Variants in ENOX1 observed in about 807,000 individuals in gnomAD.
The protein encoded by ENOX1 is candidate growth-related and time keeping constitutive hydroquinone (NADH) oxidase.
A neutral mutation model predicts 82.5 loss-of-function variants in ENOX1; 42 were observed. That is an observed-to-expected ratio of 0.51 (90% confidence interval 0.40 to 0.66). ENOX1 has a LOEUF of 0.66. Ranked by LOEUF, ENOX1 falls within the 30% of genes least tolerant of loss-of-function variation. The pLI is 0.00. For synonymous variants in ENOX1, 271 were observed against 282.2 expected, an observed-to-expected ratio of 0.96 and a Z score of 0.40; for missense variants, 608 against 811.6, an observed-to-expected ratio of 0.75 and a Z score of 3.05.
Position 43,515,747 on chromosome 13 carries a change from G to C in ENOX1, c.-218-31595C>G, listed in dbSNP as rs115213562. On this transcript the variant is annotated intron_variant, in intron 2 of 16. Transcript: ENST00000690772. ...GAATCACAGTCACTGAAAAGTGCTG[G>C]AGAGCAACTGCTCGTGGAAATCTTT... is the stretch of plus-strand genomic sequence containing the variant. Among the ~76,000 whole-genome samples, 430 of 152,250 alleles carry C rather than the reference G, an allele frequency of 2.8e-3. 1 individual carries two copies. Among genetic ancestry groups the C allele is most frequent in the African/African-American group, 1.0e-2 (414 of 41,570 alleles).
At chr13:43,349,493 A>G (rs1361248308) in intron 8 of ENOX1, among the ~76,000 whole-genome samples, 2 of 152,068 alleles carry the variant, frequency 1.3e-5, no homozygotes, top group Non-Finnish European at 2.9e-5. Flanking sequence ...GACTTTGTTA[A>G]CCCCCTTCCT....
intron 2 of ENOX1, chr13:43,546,945 G>A (rs1423461746): frequency 6.6e-6 from 1 of 152,228 alleles, no homozygotes; most frequent in Non-Finnish European, 1.5e-5. Flanking sequence ...CTTCTGCAAA[G>A]TATCTCAGAC....
At chr13:43,214,160 C>T (rs763259404) in intron 16 of ENOX1, 39 bp from the exon 17 acceptor site, 6 of 1,602,308 alleles carry the variant, frequency 3.7e-6, no homozygotes, top group Non-Finnish European at 5.1e-6. Context: ...GGGAAAGGAA[C>T]TCATCTTAAA....
chr13:43,298,595 T>G lies in ENOX1; in HGVS notation c.1262-65A>C, dbSNP rs966974063. 2.4e-4 allele frequency: 354 copies of G among 1,449,002 alleles called. 1 individual carries two copies. The highest frequency in any genetic ancestry group is 7.6e-4 in the Middle Eastern group (3 of 3,970). 89.8% of individuals were successfully genotyped at this position (1,449,002 alleles called of 1,614,324 possible). ...TTGCTTAGCTTGAGGAGGCCTTCTG[T>G]GGGAAAGGGAGTCTGTCACCCAAGT... On this transcript the variant is annotated intron_variant, in intron 11 of 16. Transcript: ENST00000690772.
chr13:43,334,458 C>A (rs1261118897), intron 9 of ENOX1, among the ~76,000 whole-genome samples: 3 of 152,154 alleles, frequency 2.0e-5, no homozygotes, highest in Admixed American at 2.0e-4. Flanking sequence ...GCAGCTGGTC[C>A]TTGAGCTGCT....
chr13:43,674,502 A>G (rs561992019), intron 1 of ENOX1, among the ~76,000 whole-genome samples: 26 of 152,266 alleles, frequency 1.7e-4, no homozygotes, highest in Admixed American at 3.3e-4. Flanking sequence ...ATACTATACC[A>G]TTCCAACTAC....
In ENOX1 at chr13:43,255,304, A is replaced by G. The variant is rs1354423060; in HGVS notation, c.1611+10094T>C. On this transcript the variant is annotated intron_variant, in intron 14 of 16. Coordinates refer to ENST00000690772, the MANE Select transcript of ENOX1 (RefSeq NM_001347969.2). ...AGAAGGAACATACATCAAAATAATA[A>G]TGACCATATATGACAAACACAGTTA... Among the ~76,000 whole-genome samples, 6 of 152,248 alleles carry G rather than the reference A, an allele frequency of 3.9e-5. No homozygotes were observed. In the South Asian group the frequency reaches 6.2e-4, roughly 16 times the overall value.
chr13:43,299,502 T>C (rs559468013), intron 11 of ENOX1, among the ~76,000 whole-genome samples: 19 of 152,132 alleles, frequency 1.2e-4, no homozygotes, highest in African/African-American at 4.1e-4. Context: ...TCTTTACAGA[T>C]GAGAAAAATG....
chr13:43,268,743 T>G (rs984588954), intron 13 of ENOX1, among the ~76,000 whole-genome samples: 1 of 152,236 alleles, frequency 6.6e-6, no homozygotes, highest in Non-Finnish European at 1.5e-5. Context: ...TTGGGGTAAC[T>G]GTATGCAACT....
chr13:43,400,465 T>C (rs1048349147), intron 5 of ENOX1, among the ~76,000 whole-genome samples: 3 of 152,150 alleles, frequency 2.0e-5, no homozygotes, highest in Non-Finnish European at 4.4e-5. Context: ...AAATTCCAAG[T>C]TTCTGTTTTC....
intron 4 of ENOX1, 102 bp downstream of exon 4, chr13:43,412,743 C>G (rs529124697): frequency 7.3e-7 from 1 of 1,369,466 alleles, no homozygotes; most frequent in Admixed American, 2.0e-5. Context: ...TTTATGGGCC[C>G]AGGCTCCTGG....
intron 5 of ENOX1, among the ~76,000 whole-genome samples, chr13:43,383,115 T>C (rs1242903158): frequency 6.6e-6 from 1 of 152,208 alleles, no homozygotes; most frequent in Admixed American, 6.5e-5. Flanking sequence ...GCATAAAACA[T>C]GGTACCAGAC....
chr13:43,754,088 ACG>A (rs1259122218), intron 1 of ENOX1, among the ~76,000 whole-genome samples: 166 of 141,190 alleles, frequency 1.2e-3, no homozygotes, highest in African/African-American at 3.4e-3. Flanking sequence ...ACACATATAT[ACG>A]TATATATGTA....
At chr13:43,359,769 G>A in intron 7 of ENOX1, 82 bp downstream of exon 7, 2 of 1,327,066 alleles carry the variant, frequency 1.5e-6, no homozygotes, top group Non-Finnish European at 2.1e-6. Context: ...TATTTTGCAT[G>A]AAGGCCAAAG....
intron 5 of ENOX1, among the ~76,000 whole-genome samples, chr13:43,366,570 C>T (rs866898518): frequency 5.9e-5 from 9 of 152,312 alleles, no homozygotes; most frequent in African/African-American, 2.2e-4. Flanking sequence ...GCCACTGCAC[C>T]TGGCCAGCTG....
At chr13:43,726,040 T>C (rs2088927699) in intron 1 of ENOX1, among the ~76,000 whole-genome samples, 1 of 151,958 alleles carries the variant, frequency 6.6e-6, no homozygotes, top group Non-Finnish European at 1.5e-5. Context: ...AAGATAACAA[T>C]ACCATTTTTG....
At chr13:43,755,684 C>T (rs1950608469) in intron 1 of ENOX1, among the ~76,000 whole-genome samples, 1 of 152,228 alleles carries the variant, frequency 6.6e-6, no homozygotes, top group Non-Finnish European at 1.5e-5. Context: ...TATCCTCCCA[C>T]ACTTTTCTCC....
At chr13:43,606,183 A>C (rs1207672862) in intron 2 of ENOX1, among the ~76,000 whole-genome samples, 1 of 152,194 alleles carries the variant, frequency 6.6e-6, no homozygotes. Flanking sequence ...GATGTGAAAA[A>C]AAGGGAACAC....
At chr13:43,497,192 T>A (rs189883268) in intron 2 of ENOX1, among the ~76,000 whole-genome samples, 8 of 152,302 alleles carry the variant, frequency 5.3e-5, no homozygotes, top group South Asian at 2.1e-4. Context: ...TACAATTTTT[T>A]AAGTAAATTT....
Sources: allele counts gnomAD v4.1 joint callset (sites outside exome capture counted in the v4.1 genomes callset), GRCh38; gene constraint gnomAD v4.1.1; transcripts MANE v1.5; gene names NCBI Gene and HGNC (gene_info 2026-07-23, HGNC 2026-07-21).